The following EXOC4 variants were observed in gnomAD, a reference collection of about 807,000 sequenced individuals.
EXOC4 encodes SEC8-like 1.
Under a neutral mutation model 107.2 loss-of-function variants are expected in EXOC4, and 71 were observed. That is an observed-to-expected ratio of 0.66 (90% CI 0.55 to 0.81). EXOC4 has a LOEUF of 0.81. EXOC4 is among the 30% of genes least tolerant of loss of function. EXOC4 has a pLI of 0.00. For missense variants in EXOC4, 1,108 were observed against 1,189.6 expected (o/e 0.93, Z 1.01); for synonymous variants, 456 against 441.2 (o/e 1.03, Z -0.42).
chr7:133,433,307 T>G (rs182219999), intron 7 of EXOC4, among the ~76,000 whole-genome samples: 1 of 152,318 alleles, frequency 6.6e-6, no homozygotes, highest in East Asian at 1.9e-4. Flanking sequence ...CCAATTGCTA[T>G]TGGACTTGGT....
At chr7:133,255,473 C>G (rs960150773) in intron 1 of EXOC4, among the ~76,000 whole-genome samples, 2 of 152,124 alleles carry the variant, frequency 1.3e-5, no homozygotes, top group Non-Finnish European at 2.9e-5. Context: ...CCGTGCCCAG[C>G]CCTCATTTTT....
chr7:133,581,752 C>T (rs1328640992), intron 9 of EXOC4, among the ~76,000 whole-genome samples: 10 of 91,022 alleles, frequency 1.1e-4, no homozygotes, highest in African/African-American at 3.7e-4. Context: ...AGTGAGACTC[C>T]GTCTCAAAAA....
At chr7:133,399,267 A>T (rs1797036855) in intron 7 of EXOC4, among the ~76,000 whole-genome samples, 1 of 152,168 alleles carries the variant, frequency 6.6e-6, no homozygotes, top group South Asian at 2.1e-4. Context: ...TGTACAGATT[A>T]TATATATATC....
chr7:134,065,887 G>A (rs1796168444), downstream of EXOC4: 1 of 152,236 alleles, frequency 6.6e-6, no homozygotes, highest in Non-Finnish European at 1.5e-5. Flanking sequence ...TTATCTAAGA[G>A]TGTGGGAACT....
At chr7:134,080,256 CT>C in the EXOC4 span, among the ~76,000 whole-genome samples, 1 of 152,194 alleles carries the variant, frequency 6.6e-6, no homozygotes, top group Non-Finnish European at 1.5e-5. Context: ...CTACTATTTT[CT>C]TGATGGAATG....
intron 10 of EXOC4, among the ~76,000 whole-genome samples, chr7:133,734,541 G>C (rs1043587693): frequency 6.6e-6 from 1 of 151,236 alleles, no homozygotes; most frequent in African/African-American, 2.4e-5. Flanking sequence ...TTTTCCCCCG[G>C]TTTCTGTATG....
At chr7:133,577,939 G>A (rs533486446) in intron 9 of EXOC4, among the ~76,000 whole-genome samples, 7 of 152,208 alleles carry the variant, frequency 4.6e-5, no homozygotes, top group African/African-American at 1.2e-4. Flanking sequence ...AAATACCAAC[G>A]CAGTCACATT....
chr7:133,598,232 A>G (rs1002410884), intron 9 of EXOC4, among the ~76,000 whole-genome samples: 14 of 152,322 alleles, frequency 9.2e-5, no homozygotes, highest in Middle Eastern at 3.4e-3. Context: ...TCAGGGGAGA[A>G]TAATTATTGG....
At chr7:133,429,317 C>G (rs1797800052) in intron 7 of EXOC4, among the ~76,000 whole-genome samples, 2 of 152,110 alleles carry the variant, frequency 1.3e-5, no homozygotes, top group South Asian at 2.1e-4. Context: ...AAACATTTCA[C>G]TAGCAAATCA....
chr7:134,050,752 C>A (rs992838507), intron 17 of EXOC4, among the ~76,000 whole-genome samples: 1 of 152,088 alleles, frequency 6.6e-6, no homozygotes, highest in Non-Finnish European at 1.5e-5. Context: ...CAGGTCAAGT[C>A]TTTAAAAGGC....
At chr7:133,919,278 A>G (rs780286874) in intron 13 of EXOC4, among the ~76,000 whole-genome samples, 3 of 152,168 alleles carry the variant, frequency 2.0e-5, no homozygotes, top group Non-Finnish European at 4.4e-5. Flanking sequence ...GAGTTGCCAT[A>G]GATCCCCTTA....
At chr7:133,713,538 TAAAC>T (rs1234934348) in intron 10 of EXOC4, among the ~76,000 whole-genome samples, 1 of 152,140 alleles carries the variant, frequency 6.6e-6, no homozygotes, top group Non-Finnish European at 1.5e-5. Flanking sequence ...AAAAAATAAG[TAAAC>T]AAACACAAGA....
intron 10 of EXOC4, among the ~76,000 whole-genome samples, chr7:133,643,739 A>G (rs1562888797): frequency 6.6e-6 from 1 of 152,242 alleles, no homozygotes; most frequent in Non-Finnish European, 1.5e-5. Flanking sequence ...CACATGATGA[A>G]GGAAAAAGGA....
At chr7:133,687,100 C>T (rs1472624689) in intron 10 of EXOC4, among the ~76,000 whole-genome samples, 1 of 151,498 alleles carries the variant, frequency 6.6e-6, no homozygotes, top group African/African-American at 2.4e-5. Context: ...ATGGCATTTG[C>T]AGCAACCTTC....
At chr7:133,276,863 A>G (rs1442703992) in intron 2 of EXOC4, among the ~76,000 whole-genome samples, 1 of 152,234 alleles carries the variant, frequency 6.6e-6, no homozygotes, top group Admixed American at 6.5e-5. Context: ...TACTGATGAT[A>G]TATGACTTTC....
intron 14 of EXOC4, among the ~76,000 whole-genome samples, chr7:133,982,973 C>G (rs1794027087): frequency 6.6e-6 from 1 of 152,100 alleles, no homozygotes; most frequent in Non-Finnish European, 1.5e-5. Context: ...TAAAGAAATA[C>G]CTGAGACTGA....
Position 133,934,946 on chromosome 7 carries a change from G to T in EXOC4, c.2028-2945G>T, listed in dbSNP as rs558165000. 1.4e-4 allele frequency among the ~76,000 whole-genome samples: 21 copies of T among 150,740 alleles called. No individual in the cohort carries two copies. In the South Asian group the frequency reaches 4.3e-3, roughly 31 times the overall value. On this transcript the variant is annotated intron_variant, in intron 13 of 17. Transcript: ENST00000253861. The stretch of plus-strand genomic sequence containing the variant: ...GAAAGTTTTCTTGGGATGACATCTC[G>T]TATGCTAATTAGATAAATGAGTCAG...
chr7:133,907,562 G>A (rs1314383800), intron 12 of EXOC4, among the ~76,000 whole-genome samples: 1 of 152,132 alleles, frequency 6.6e-6, no homozygotes, highest in Non-Finnish European at 1.5e-5. Flanking sequence ...GGCCAGGCAG[G>A]CAGGGTGGCT....
intron 5 of EXOC4, among the ~76,000 whole-genome samples, chr7:133,326,301 T>G (rs1795239002): frequency 6.6e-6 from 1 of 151,014 alleles, no homozygotes; most frequent in African/African-American, 2.4e-5. Context: ...TTTAGAATTT[T>G]CAGCTTTCTG....
Sources: allele counts gnomAD v4.1 joint callset (sites outside exome capture counted in the v4.1 genomes callset), GRCh38; gene constraint gnomAD v4.1.1; transcripts MANE v1.5; gene names NCBI Gene and HGNC (gene_info 2026-07-23, HGNC 2026-07-21).